Variants in TENM2 observed in about 807,000 individuals in gnomAD.
TENM2 encodes the protein teneurin transmembrane protein 2.
In TENM2, 52 loss-of-function variants were observed where a neutral mutation model predicts 245.2. The ratio of observed to expected loss-of-function variants is 0.21; its 90% CI spans 0.17 to 0.27. The LOEUF is 0.27. Ranked by LOEUF, TENM2 falls within the 10% of genes least tolerant of loss-of-function variation. The pLI is 1.00. For missense variants in TENM2, 3,046 were observed against 3,666.8 expected (o/e 0.83, Z 4.37); for synonymous variants, 1,363 against 1,438.9 (o/e 0.95, Z 1.19).
chr5:167,095,650 C>T, the TENM2 span, among the ~76,000 whole-genome samples: 16 of 151,882 alleles, frequency 1.1e-4, no homozygotes, highest in South Asian at 1.9e-3. Flanking sequence ...ATAAATAAAA[C>T]GCCTACAATA....
At chr5:168,169,785 C>T (rs918495) in intron 13 of TENM2, among the ~76,000 whole-genome samples, 31,425 of 152,114 alleles carry the variant, frequency 0.21, 3,843 homozygotes, top group Admixed American at 0.31. Context: ...GTATCCCAAT[C>T]GTGTTGATGG....
intron 2 of TENM2, among the ~76,000 whole-genome samples, chr5:167,396,716 A>G (rs956623890): frequency 3.9e-5 from 6 of 152,172 alleles, no homozygotes; most frequent in African/African-American, 1.4e-4. Context: ...GTCCTTAGGA[A>G]GAACAAGATT....
chr5:167,339,893 C>A (rs1456043432), intron 1 of TENM2, among the ~76,000 whole-genome samples: 1 of 152,204 alleles, frequency 6.6e-6, no homozygotes, highest in Non-Finnish European at 1.5e-5. Flanking sequence ...GCTCTCGTTA[C>A]ACGCTGAATG....
the TENM2 span, among the ~76,000 whole-genome samples, chr5:167,065,671 T>C: frequency 1.3e-5 from 2 of 152,238 alleles, no homozygotes; most frequent in Non-Finnish European, 2.9e-5. Context: ...TTATTCTTAA[T>C]GCAAAGATAG....
At chr5:167,145,464 G>A in the TENM2 span, among the ~76,000 whole-genome samples, 1 of 152,144 alleles carries the variant, frequency 6.6e-6, no homozygotes, top group Non-Finnish European at 1.5e-5. Flanking sequence ...CCCAACCTTC[G>A]AGAAGTAAAG....
the TENM2 span, among the ~76,000 whole-genome samples, chr5:167,237,790 A>T: frequency 6.6e-6 from 1 of 152,058 alleles, no homozygotes; most frequent in Non-Finnish European, 1.5e-5. Flanking sequence ...AGGTGGGTGG[A>T]TCATGAGGTC....
chr5:167,989,290 G>C (rs1392161337), intron 4 of TENM2, among the ~76,000 whole-genome samples: 2 of 151,266 alleles, frequency 1.3e-5, no homozygotes, highest in East Asian at 3.9e-4. Context: ...GAGAGAGAGA[G>C]AGAGAGAGAG....
At chr5:168,203,189 AC>A (rs1290354171) in intron 17 of TENM2, among the ~76,000 whole-genome samples, 1 of 152,220 alleles carries the variant, frequency 6.6e-6, no homozygotes, top group East Asian at 1.9e-4. Flanking sequence ...GAGTGAACAC[AC>A]CAAGTGTCTT....
rs201939957 is a variant in TENM2 at position 167,552,469 on chromosome 5, C to G, written c.502+176996C>G. Among the ~76,000 whole-genome samples the G allele has an allele frequency of 9.2e-5, 14 of 152,280 alleles. No homozygotes were observed. In the East Asian group the frequency reaches 1.5e-3, roughly 17 times the overall value. Reference sequence around the variant, plus strand: ...TTCTTAGGAAGCCACCATATTTAGTCAAGGCTGAATGCCACTGAGATTACT... The same window carrying G: ...TTCTTAGGAAGCCACCATATTTAGTGAAGGCTGAATGCCACTGAGATTACT... On this transcript the variant is annotated intron_variant, in intron 2 of 28. Transcript: ENST00000518659.
intron 2 of TENM2, among the ~76,000 whole-genome samples, chr5:167,391,647 A>AAAAAAAAAAAAAAT (rs70976420): frequency 7.9e-6 from 1 of 126,838 alleles, no homozygotes; most frequent in Non-Finnish European, 1.6e-5. Flanking sequence ...AAAAAAAAAA[A>AAAAAAAAAAAAAAT]GCACTCTCAA....
intron 2 of TENM2, among the ~76,000 whole-genome samples, chr5:167,399,953 T>A (rs569018291): frequency 2.0e-5 from 3 of 152,040 alleles, no homozygotes; most frequent in Admixed American, 2.0e-4. Context: ...CATGGTATGA[T>A]CGGGAAATAA....
the TENM2 span, among the ~76,000 whole-genome samples, chr5:167,233,677 G>A: frequency 1.1e-3 from 164 of 152,192 alleles, no homozygotes; most frequent in Non-Finnish European, 1.9e-3. Context: ...GATAAGAAAA[G>A]CACTTGATTT....
At chr5:167,375,315 C>A in exon 2 of TENM2, 1 of 1,551,656 alleles carries the variant, frequency 6.4e-7, no homozygotes, top group Non-Finnish European at 8.7e-7. Context: ...GGGTCTGACG[C>A]CGACTCCGAC....
At chr5:167,489,689 TG>T (rs768897562) in intron 2 of TENM2, among the ~76,000 whole-genome samples, 4 of 152,338 alleles carry the variant, frequency 2.6e-5, no homozygotes, top group Admixed American at 6.5e-5. Context: ...TTATGCATTT[TG>T]TTCACTGATG....
At chr5:167,882,712 A>G (rs978854782) in intron 3 of TENM2, among the ~76,000 whole-genome samples, 5 of 152,298 alleles carry the variant, frequency 3.3e-5, no homozygotes, top group Admixed American at 2.6e-4. Context: ...CTCACTCACT[A>G]TCATGAGAAC....
chr5:167,830,170 AT>A (rs1195278221), intron 2 of TENM2, among the ~76,000 whole-genome samples: 1 of 152,242 alleles, frequency 6.6e-6, no homozygotes, highest in Admixed American at 6.5e-5. Context: ...GATGGGTGCT[AT>A]CTGACTGTGA....
chr5:167,830,405 A>T, intron 2 of TENM2, among the ~76,000 whole-genome samples: 1 of 152,224 alleles, frequency 6.6e-6, no homozygotes, highest in East Asian at 1.9e-4. Context: ...AGTTAGAACT[A>T]ATAACTAATG....
chr5:167,123,557 A>G, the TENM2 span, among the ~76,000 whole-genome samples: 1 of 152,164 alleles, frequency 6.6e-6, no homozygotes, highest in African/African-American at 2.4e-5. Flanking sequence ...GAATAAATGA[A>G]CCTTCATAAA....
At chr5:167,985,614 A>T (rs1783186133) in intron 4 of TENM2, among the ~76,000 whole-genome samples, 1 of 152,196 alleles carries the variant, frequency 6.6e-6, no homozygotes, top group East Asian at 1.9e-4. Context: ...GGAAGAGAGA[A>T]ACAGGAAAAA....
Sources: gnomAD v4.1 joint callset for allele counts (sites outside exome capture counted in the v4.1 genomes callset) on GRCh38, gnomAD v4.1.1 for gene constraint, MANE v1.5 for transcripts, NCBI Gene and HGNC (gene_info 2026-07-23, HGNC 2026-07-21) for gene names.